Variants in DLGAP4 observed in about 807,000 individuals in gnomAD.
DLGAP4 encodes disks large-associated protein 4.
DLGAP4 carries 18 observed loss-of-function variants against 86.9 expected under a neutral mutation model. The observed-to-expected ratio is 0.21, with a 90% CI of 0.14 to 0.31. The LOEUF is 0.31. Among genes scored for constraint, DLGAP4 ranks in the 10% least tolerant of loss-of-function variants. The pLI is 1.00. For missense variants in DLGAP4, 1,085 were observed against 1,362.6 expected, an observed-to-expected ratio of 0.80 and a Z score of 3.21; for synonymous variants, 548 against 574.3, an observed-to-expected ratio of 0.95 and a Z score of 0.65.
chr20:36,495,688 G>A (rs1185618283), intron 7 of DLGAP4, among the ~76,000 whole-genome samples: 1 of 152,230 alleles, frequency 6.6e-6, no homozygotes, highest in Non-Finnish European at 1.5e-5. Context: ...CCCATGGCAG[G>A]TCCTGGCTCT....
chr20:36,323,472 G>A (rs1282468978), intron 1 of DLGAP4, among the ~76,000 whole-genome samples: 1 of 152,166 alleles, frequency 6.6e-6, no homozygotes, highest in Non-Finnish European at 1.5e-5. Flanking sequence ...ATTCCACTTA[G>A]CGAATATGTC....
rs766392218 is a variant in DLGAP4 at position 36,432,180 on chromosome 20, C to A, written c.463C>A (p.Pro155Thr). Residue 155 changes from proline to threonine, a missense_variant, in exon 3 of 13, where the codon CCC (proline) becomes ACC (threonine). By Grantham distance (38) the Pro-to-Thr change is conservative. Around this residue, in one of 2 missense-constraint regions of DLGAP4, gnomAD observed 1,082 missense variants for 1,344.1 expected, o/e 0.81. Transcript: ENST00000339266. This position sits in a 1 kb window ranked among gnomAD's most constrained non-coding sequence, Gnocchi z 6.5. ...SVQRLFFTKAPSLEGTAGKVG... is the reference protein window; with the variant it reads ...SVQRLFFTKATSLEGTAGKVG... ...CCAGCGGCTTTTCTTCACCAAGGCA[C>A]CCTCACTGGAGGGCACAGCGGGCAA... The A allele has an allele frequency of 6.2e-7, 1 of 1,614,194 alleles. No homozygotes were observed. Among genetic ancestry groups the A allele is most frequent in the South Asian group, 1.1e-5 (1 of 91,086 alleles).
chr20:36,499,442 C>A, intron 8 of DLGAP4, 146 bp from the exon 9 acceptor site: 2 of 1,367,034 alleles, frequency 1.5e-6, no homozygotes, highest in Non-Finnish European at 2.0e-6. Context: ...CTCGGGCCCA[C>A]GTGCAGTGTC....
At chr20:36,461,990 C>G (rs1382523844) in intron 7 of DLGAP4, 1 of 985,132 alleles carries the variant, frequency 1.0e-6, no homozygotes, top group Admixed American at 6.2e-5. Context: ...CAGAGCGCCC[C>G]CAGATCTTTT....
chr20:36,518,581 C>G (rs16986182), intron 10 of DLGAP4, among the ~76,000 whole-genome samples: 4,304 of 152,186 alleles, frequency 0.028, 79 homozygotes, highest in South Asian at 0.059. Flanking sequence ...ACTGTGATTT[C>G]TTTGACGACT....
Position 36,521,282 on chromosome 20 carries a change from C to T in DLGAP4, c.2513-2968C>T, listed in dbSNP as rs180851284. On this transcript the variant is annotated intron_variant, in intron 10 of 12. Coordinates refer to ENST00000339266, the MANE Select transcript of DLGAP4 (RefSeq NM_001365621.2). ...ATAACCATGATCCCTCTGATTTCTC[C>T]CATCCCTCTGTCCCCTTTTAGAACT... Among the ~76,000 whole-genome samples the T allele has an allele frequency of 9.9e-4, 151 of 152,302 alleles. 1 individual carries two copies. The highest frequency in any genetic ancestry group is 6.8e-3 in the Middle Eastern group (2 of 294).
At chr20:36,357,794 TA>T (rs1259431659) in intron 1 of DLGAP4, among the ~76,000 whole-genome samples, 1 of 152,158 alleles carries the variant, frequency 6.6e-6, no homozygotes, top group Non-Finnish European at 1.5e-5. Context: ...GAAATGTCAT[TA>T]AAGTGAAGAT....
chr20:36,344,413 T>C lies in DLGAP4; in HGVS notation c.-303-22632T>C, dbSNP rs74609348. Among the ~76,000 whole-genome samples, 560 of 152,312 alleles carry C rather than the reference T, an allele frequency of 3.7e-3. 2 individuals carry two copies. The highest frequency in any genetic ancestry group is 5.8e-3 in the Non-Finnish European group (396 of 68,008). On this transcript the variant is annotated intron_variant, in intron 1 of 12. Coordinates refer to ENST00000339266, the MANE Select transcript of DLGAP4 (RefSeq NM_001365621.2). ...TAACAAGTCCACAATGTAACAGTGA[T>C]GGCTGATGCTTACTGGGCCCCTCCA...
rs1285368923 is a variant in DLGAP4 at position 36,431,298 on chromosome 20, A to G, written c.-72-348A>G. ...GGGTGAGGGACAGAGTCAGAAACGGAAAGAGAGTGGAGGATGGGCAGCCCC... is the reference window on the plus strand; with the variant it reads ...GGGTGAGGGACAGAGTCAGAAACGGGAAGAGAGTGGAGGATGGGCAGCCCC... On this transcript the variant is annotated intron_variant, in intron 2 of 12. Transcript: ENST00000339266. The surrounding 1 kb of genome is among the most constrained non-coding windows in gnomAD (Gnocchi z 5.1). Among the ~76,000 whole-genome samples the G allele has an allele frequency of 6.6e-6, 1 of 151,876 alleles. No individual in the cohort carries two copies. The highest frequency in any genetic ancestry group is 2.4e-5 in the African/African-American group (1 of 41,236).
intron 1 of DLGAP4, among the ~76,000 whole-genome samples, chr20:36,307,991 G>A (rs2065020202): frequency 6.6e-6 from 1 of 152,248 alleles, no homozygotes; most frequent in African/African-American, 2.4e-5. Context: ...TGCAGAGCTG[G>A]TGCCCTGGCC....
At chr20:36,404,853 C>T (rs934525218) in intron 2 of DLGAP4, among the ~76,000 whole-genome samples, 4 of 152,232 alleles carry the variant, frequency 2.6e-5, no homozygotes, top group Admixed American at 1.3e-4. Flanking sequence ...CATGGGGACC[C>T]TCATTCCAGT....
rs532300217 is a variant in DLGAP4, at chr20:36,342,456, C to G, written c.-303-24589C>G. Among the ~76,000 whole-genome samples the G allele has an allele frequency of 2.8e-4, 43 of 152,280 alleles. 1 individual carries two copies. In the South Asian group the frequency reaches 8.5e-3, roughly 30 times the overall value. On this transcript the variant is annotated intron_variant, in intron 1 of 12. Transcript: ENST00000339266. ...AGGCCTCAGCCCAGTAGGTTCCCAGCCTTGAAGGCCAGGCCCAGCTCCCAC... is the reference window on the plus strand; with the variant it reads ...AGGCCTCAGCCCAGTAGGTTCCCAGGCTTGAAGGCCAGGCCCAGCTCCCAC...
chr20:36,374,068 G>A (rs1353905158), intron 2 of DLGAP4, among the ~76,000 whole-genome samples: 1 of 151,122 alleles, frequency 6.6e-6, no homozygotes, highest in Admixed American at 6.6e-5. Context: ...AAATAAAGGA[G>A]TCTTGAACCC....
chr20:36,345,072 G>A (rs2029895090), intron 1 of DLGAP4, among the ~76,000 whole-genome samples: 1 of 152,212 alleles, frequency 6.6e-6, no homozygotes. Flanking sequence ...AGTCACTACT[G>A]CCTCTGTTTT....
intron 2 of DLGAP4, among the ~76,000 whole-genome samples, chr20:36,387,523 C>T (rs116380794): frequency 0.013 from 1,972 of 152,228 alleles, 52 homozygotes; most frequent in African/African-American, 0.046. Flanking sequence ...TTATTTTCCC[C>T]TTCACTTGCT....
chr20:36,479,743 C>A (rs1212028541), intron 7 of DLGAP4, among the ~76,000 whole-genome samples: 4 of 152,220 alleles, frequency 2.6e-5, no homozygotes, highest in Middle Eastern at 3.4e-3. Context: ...GGTCCCTACA[C>A]TAAAATGTTA....
chr20:36,400,746 G>A (rs755503571), intron 2 of DLGAP4, among the ~76,000 whole-genome samples: 3 of 151,420 alleles, frequency 2.0e-5, no homozygotes, highest in South Asian at 2.1e-4. Context: ...AAGATCTTTC[G>A]CACTCTGGAG....
chr20:36,467,063 T>TCTCTCTCTCTCTCTCTCTC (rs1569509700), intron 7 of DLGAP4, among the ~76,000 whole-genome samples: 1 of 39,350 alleles, frequency 2.5e-5, no homozygotes, highest in African/African-American at 1.2e-4. Context: ...TCTCTCTCTC[T>TCTCTCTCTCTCTCTCTCTC]CCCCCCCCCT....
At chr20:36,370,134 G>A (rs1236083140) in intron 2 of DLGAP4, among the ~76,000 whole-genome samples, 1 of 152,210 alleles carries the variant, frequency 6.6e-6, no homozygotes, top group Non-Finnish European at 1.5e-5. Context: ...AGGCAGGTGT[G>A]TGCAGTCATA....
Sources: allele counts gnomAD v4.1 joint callset (sites outside exome capture counted in the v4.1 genomes callset), GRCh38; gene constraint gnomAD v4.1.1; regional missense constraint gnomAD v4.1.1; non-coding constraint Gnocchi (gnomAD v3.1); transcripts MANE v1.5; gene names NCBI Gene and HGNC (gene_info 2026-07-23, HGNC 2026-07-21).